The following CTNNA3 variants were observed in gnomAD, a reference collection of about 807,000 sequenced individuals.
The protein encoded by CTNNA3 is catenin alpha 3, also known as catenin alpha-3.
A neutral mutation model predicts 95.7 loss-of-function variants in CTNNA3; 76 were observed. The observed-to-expected ratio is 0.79, with a 90% CI of 0.66 to 0.96. The LOEUF is 0.96. Ranked by LOEUF, CTNNA3 falls within the 40% of genes least tolerant of loss-of-function variation. The probability of loss-of-function intolerance (pLI) is 0.00; values close to 1 mark genes in which losing one functional copy is unlikely to be tolerated. For synonymous variants in CTNNA3, 431 were observed against 374.4 expected (o/e 1.15, Z -1.74); for missense variants, 1,191 against 1,089.8 (o/e 1.09, Z -1.31).
intron 5 of CTNNA3, among the ~76,000 whole-genome samples, chr10:67,474,643 G>A (rs531952375): frequency 6.6e-6 from 1 of 152,184 alleles, no homozygotes; most frequent in African/African-American, 2.4e-5. Flanking sequence ...AAGATCTATG[G>A]AAAGCAAATA....
chr10:67,514,720 G>GT (rs529419460), intron 5 of CTNNA3, among the ~76,000 whole-genome samples: 26,424 of 127,620 alleles, frequency 0.21, 4,455 homozygotes, highest in African/African-American at 0.46. Flanking sequence ...TGTTTTTGTT[G>GT]TTTTTTTTTT....
chr10:67,033,832 G>A (rs1853878787), intron 7 of CTNNA3, among the ~76,000 whole-genome samples: 1 of 152,048 alleles, frequency 6.6e-6, no homozygotes, highest in African/African-American at 2.4e-5. Context: ...GTGCAGTGGT[G>A]CGATCTCAGC....
chr10:66,508,084 A>G (rs896450447), intron 11 of CTNNA3, among the ~76,000 whole-genome samples: 2 of 151,950 alleles, frequency 1.3e-5, no homozygotes, highest in Non-Finnish European at 2.9e-5. Flanking sequence ...TTAAATAACT[A>G]ATAAAATTAT....
At chr10:66,893,264 C>T (rs1302324144) in intron 7 of CTNNA3, among the ~76,000 whole-genome samples, 3 of 152,014 alleles carry the variant, frequency 2.0e-5, no homozygotes, top group Non-Finnish European at 4.4e-5. Context: ...AGCCAAGATG[C>T]CCTATACCTT....
intron 7 of CTNNA3, among the ~76,000 whole-genome samples, chr10:67,133,501 A>G (rs1860142070): frequency 6.6e-6 from 1 of 151,578 alleles, no homozygotes; most frequent in Admixed American, 6.6e-5. Flanking sequence ...TGGTGAAGAA[A>G]TACAAAGGAG....
chr10:67,043,651 C>G (rs1225158108), intron 7 of CTNNA3, among the ~76,000 whole-genome samples: 1 of 152,038 alleles, frequency 6.6e-6, no homozygotes, highest in Non-Finnish European at 1.5e-5. Context: ...CAGTTAACAC[C>G]AATTCTTGCA....
At chr10:66,860,223 T>C (rs530451052) in intron 7 of CTNNA3, among the ~76,000 whole-genome samples, 11 of 152,194 alleles carry the variant, frequency 7.2e-5, no homozygotes, top group Middle Eastern at 3.4e-3. Flanking sequence ...TCTAAAAGAA[T>C]TGACTTCTTA....
intron 7 of CTNNA3, among the ~76,000 whole-genome samples, chr10:67,146,555 G>A (rs4573572): frequency 0.5 from 76,300 of 151,978 alleles, 19,299 homozygotes; most frequent in Middle Eastern, 0.65. Context: ...TCAAAAAAGA[G>A]AGCCAGTTAG....
Position 67,444,078 on chromosome 10 carries a change from T to C in CTNNA3, c.579+77764A>G, listed in dbSNP as rs4518985. Among the ~76,000 whole-genome samples the C allele has an allele frequency of 0.026, 4,035 of 152,266 alleles. 387 individuals are homozygous for C. The East Asian group carries it at 0.34, about 13-fold the overall frequency. The stretch of plus-strand genomic sequence containing the variant: ...AATAGAAATTTACAGAACATTTCAA[T>C]GGCTGCAGAATACACATTCTTTTCT... On this transcript the variant is annotated intron_variant, in intron 5 of 17. Coordinates refer to ENST00000433211, the MANE Select transcript of CTNNA3 (RefSeq NM_013266.4).
chr10:67,052,466 C>T (rs1855171912), intron 7 of CTNNA3: 1 of 152,150 alleles, frequency 6.6e-6, no homozygotes, highest in Non-Finnish European at 1.5e-5. Flanking sequence ...TTATTCTAAT[C>T]CAAATAATAT....
At chr10:66,849,465 A>G (rs1843400596) in intron 7 of CTNNA3, among the ~76,000 whole-genome samples, 1 of 152,172 alleles carries the variant, frequency 6.6e-6, no homozygotes, top group Admixed American at 6.6e-5. Flanking sequence ...GTGCCCCAAA[A>G]TTCATGTCAA....
intron 9 of CTNNA3, among the ~76,000 whole-genome samples, chr10:66,639,133 A>G (rs1432802164): frequency 6.6e-6 from 1 of 152,104 alleles, no homozygotes; most frequent in Non-Finnish European, 1.5e-5. Flanking sequence ...TGTACCTGAA[A>G]TCACTGTTTT....
At chr10:66,831,768 G>C (rs1426277764) in intron 7 of CTNNA3, among the ~76,000 whole-genome samples, 6 of 152,114 alleles carry the variant, frequency 3.9e-5, no homozygotes, top group Admixed American at 3.9e-4. Context: ...AGGGAGAGAA[G>C]CATGAAAACA....
intron 12 of CTNNA3, among the ~76,000 whole-genome samples, chr10:66,315,091 C>G (rs2092082068): frequency 6.6e-6 from 1 of 151,962 alleles, no homozygotes; most frequent in Non-Finnish European, 1.5e-5. Context: ...CACCGTGGTT[C>G]TTTCTTTATT....
chr10:67,700,188 G>T (rs1310647064), upstream of CTNNA3, among the ~76,000 whole-genome samples: 2 of 152,224 alleles, frequency 1.3e-5, no homozygotes, highest in Non-Finnish European at 2.9e-5. Context: ...CTCCACCTCT[G>T]GGGGCAGGGC....
At chr10:66,464,966 C>A (rs1380291894) in intron 11 of CTNNA3, among the ~76,000 whole-genome samples, 1 of 151,846 alleles carries the variant, frequency 6.6e-6, no homozygotes, top group Non-Finnish European at 1.5e-5. Context: ...AGTGGTAATG[C>A]TGATTTTCTT....
chr10:67,414,558 A>C (rs1398864209), intron 5 of CTNNA3, among the ~76,000 whole-genome samples: 1 of 152,208 alleles, frequency 6.6e-6, no homozygotes, highest in East Asian at 1.9e-4. Context: ...ACTGAGGAGC[A>C]GGGGCTCCTC....
chr10:66,775,974 T>C (rs1840278846), intron 7 of CTNNA3, among the ~76,000 whole-genome samples: 2 of 152,188 alleles, frequency 1.3e-5, no homozygotes, highest in Non-Finnish European at 2.9e-5. Context: ...AAATAAAGTA[T>C]GCAGTGCAAA....
At chr10:67,313,944 G>A (rs780129862) in intron 5 of CTNNA3, among the ~76,000 whole-genome samples, 11 of 152,158 alleles carry the variant, frequency 7.2e-5, no homozygotes, top group Admixed American at 4.6e-4. Context: ...AAGAGGTCTG[G>A]AATAGAGGTA....
Sources: gnomAD v4.1 joint callset for allele counts (sites outside exome capture counted in the v4.1 genomes callset) on GRCh38, gnomAD v4.1.1 for gene constraint, MANE v1.5 for transcripts, NCBI Gene and HGNC (gene_info 2026-07-23, HGNC 2026-07-21) for gene names.